Variants in CNTNAP2 observed in about 807,000 individuals in gnomAD.
The protein encoded by CNTNAP2 is contactin-associated protein-like 2.
CNTNAP2 carries 98 observed loss-of-function variants against 155.2 expected under a neutral mutation model. That is an observed-to-expected ratio of 0.63 (90% CI 0.54 to 0.75). The LOEUF (loss-of-function observed/expected upper bound fraction) is 0.75, where lower values mean the gene tolerates loss of function less well. Ranked by LOEUF, CNTNAP2 falls within the 30% of genes least tolerant of loss-of-function variation. The pLI is 0.00. For synonymous variants in CNTNAP2, 651 were observed against 631.2 expected, an observed-to-expected ratio of 1.03 and a Z score of -0.47; for missense variants, 1,727 against 1,688.1, an observed-to-expected ratio of 1.02 and a Z score of -0.40.
rs535672683 is a variant in CNTNAP2 at position 147,176,871 on chromosome 7, AATT to A, written c.1348+44365_1348+44367del. 3.8e-3 allele frequency among the ~76,000 whole-genome samples: 486 copies of A among 127,370 alleles called. 3 individuals are homozygous for A. Among genetic ancestry groups the A allele is most frequent in the African/African-American group, 0.015 (472 of 31,840 alleles). 83.6% of individuals were successfully genotyped at this position (127,370 alleles called of 152,430 possible). On this transcript the variant is annotated intron_variant, in intron 8 of 23. Coordinates refer to ENST00000361727, the MANE Select transcript of CNTNAP2 (RefSeq NM_014141.6). ...TAATATATAATAGATATTATAGAAT[AATT>A]ATAATATATAATTATATATTATAAT...
chr7:147,904,538 T>C (rs183301267), intron 14 of CNTNAP2, among the ~76,000 whole-genome samples: 94 of 152,318 alleles, frequency 6.2e-4, no homozygotes, highest in African/African-American at 1.9e-3. Flanking sequence ...GCTGTGCACA[T>C]AGCCAGTCAT....
At chr7:147,951,810 C>T (rs1166889136) in intron 14 of CNTNAP2, among the ~76,000 whole-genome samples, 2 of 151,954 alleles carry the variant, frequency 1.3e-5, no homozygotes, top group Non-Finnish European at 2.9e-5. Context: ...AGGACAAATA[C>T]CTAATGCATG....
chr7:148,348,528 A>G (rs1054716250), intron 21 of CNTNAP2, among the ~76,000 whole-genome samples: 3 of 152,230 alleles, frequency 2.0e-5, no homozygotes, highest in Admixed American at 6.5e-5. Context: ...TCATCGCCCT[A>G]TGAGAGAGGC....
intron 1 of CNTNAP2, among the ~76,000 whole-genome samples, chr7:146,332,053 A>C (rs1801196852): frequency 6.6e-6 from 1 of 152,080 alleles, no homozygotes; most frequent in Non-Finnish European, 1.5e-5. Context: ...ATATATATAC[A>C]TATGTGTGCA....
chr7:147,666,110 A>T (rs1337032127), intron 13 of CNTNAP2, among the ~76,000 whole-genome samples: 2 of 152,228 alleles, frequency 1.3e-5, no homozygotes, highest in African/African-American at 2.4e-5. Flanking sequence ...CAGAAAACTC[A>T]GACAAAAGAG....
rs141605912 is a variant in CNTNAP2 at position 148,384,248 on chromosome 7, T to C, written c.3715+360T>C. 6.1e-3 allele frequency among the ~76,000 whole-genome samples: 924 copies of C among 152,284 alleles called. 8 individuals carry two copies. Among genetic ancestry groups the C allele is most frequent in the Non-Finnish European group, 7.4e-3 (503 of 68,022 alleles). Reference sequence around the variant, plus strand: ...ATGACTTGCTGTAACATAATCTGTGTTTTAATTTAAGAAGAGATTTACCTA... The same window carrying C: ...ATGACTTGCTGTAACATAATCTGTGCTTTAATTTAAGAAGAGATTTACCTA... On this transcript the variant is annotated intron_variant, in intron 22 of 23. Transcript: ENST00000361727.
intron 1 of CNTNAP2, among the ~76,000 whole-genome samples, chr7:146,462,163 C>T (rs1351530767): frequency 6.6e-6 from 1 of 152,058 alleles, no homozygotes; most frequent in African/African-American, 2.4e-5. Context: ...AGAATAATAC[C>T]ACATGTCACT....
chr7:148,055,011 T>C (rs1289056275), intron 15 of CNTNAP2, among the ~76,000 whole-genome samples: 1 of 151,842 alleles, frequency 6.6e-6, no homozygotes, highest in Non-Finnish European at 1.5e-5. Flanking sequence ...GCCTCCCAAG[T>C]AGCTGGGATT....
intron 1 of CNTNAP2, among the ~76,000 whole-genome samples, chr7:146,246,770 T>C (rs186306111): frequency 0.014 from 2,193 of 152,166 alleles, 49 homozygotes; most frequent in African/African-American, 0.049. Context: ...CCTGCACAGA[T>C]GGGACTCGGC....
At chr7:146,739,217 G>C (rs1801669389) in intron 1 of CNTNAP2, among the ~76,000 whole-genome samples, 2 of 151,766 alleles carry the variant, frequency 1.3e-5, no homozygotes, top group African/African-American at 4.8e-5. Context: ...TTCTTGAGGT[G>C]CAATGTTAGG....
intron 22 of CNTNAP2, 46 bp downstream of exon 22, chr7:148,383,934 C>A (rs1398156113): frequency 6.3e-7 from 1 of 1,585,692 alleles, no homozygotes; most frequent in South Asian, 1.1e-5. Context: ...TTTCTTTAAA[C>A]CTCAGTCTCT....
Position 147,440,249 on chromosome 7 carries a change from T to C in CNTNAP2, c.1670+44469T>C, listed in dbSNP as rs987706059. Among the ~76,000 whole-genome samples the C allele has an allele frequency of 2.2e-4, 34 of 152,078 alleles. 1 individual carries two copies. Among genetic ancestry groups the C allele is most frequent in the Admixed American group, 2.2e-3 (34 of 15,270 alleles). On this transcript the variant is annotated intron_variant, in intron 10 of 23. Transcript: ENST00000361727. ...TATCTGTTGTGTGTTTTTTTACTTC[T>C]GGTTATAATGAGACTTGCAAATACT...
intron 8 of CNTNAP2, among the ~76,000 whole-genome samples, chr7:147,158,788 G>C (rs1801973043): frequency 6.6e-6 from 1 of 151,988 alleles, no homozygotes; most frequent in African/African-American, 2.4e-5. Flanking sequence ...GCAACTACTA[G>C]AGGCCATGCA....
At chr7:148,250,182 C>A (rs190800768) in intron 20 of CNTNAP2, among the ~76,000 whole-genome samples, 8 of 152,230 alleles carry the variant, frequency 5.3e-5, no homozygotes, top group South Asian at 2.1e-4. Context: ...GCTAACCCCT[C>A]GAATCCCTCA....
intron 1 of CNTNAP2, among the ~76,000 whole-genome samples, chr7:146,285,351 G>A (rs1800309428): frequency 6.6e-6 from 1 of 151,946 alleles, no homozygotes; most frequent in African/African-American, 2.4e-5. Flanking sequence ...TATAGTCCAT[G>A]ACATGGAAAA....
chr7:146,887,907 G>T (rs1477830870), intron 3 of CNTNAP2, among the ~76,000 whole-genome samples: 1 of 151,878 alleles, frequency 6.6e-6, no homozygotes, highest in Non-Finnish European at 1.5e-5. Context: ...CTTATGTTAG[G>T]GTGTCCACTT....
intron 1 of CNTNAP2, among the ~76,000 whole-genome samples, chr7:146,730,357 A>AT (rs150707498): frequency 0.022 from 3,367 of 152,202 alleles, 56 homozygotes; most frequent in Non-Finnish European, 0.031. Flanking sequence ...TTTCCCATAG[A>AT]TTTTAAACCC....
rs372508040 is a variant in CNTNAP2 at position 146,765,335 on chromosome 7, A to G, written c.98-8936A>G. On this transcript the variant is annotated intron_variant, in intron 1 of 23. Transcript: ENST00000361727. ...ATGTGGGATACAGTGAAGTAGATCT[A>G]TGTGTAAGATCATGGGATGAAGCCA... Among the ~76,000 whole-genome samples the G allele has an allele frequency of 5.9e-4, 90 of 152,334 alleles. 1 individual carries two copies. Among genetic ancestry groups the G allele is most frequent in the South Asian group, 5.4e-3 (26 of 4,826 alleles).
intron 13 of CNTNAP2, among the ~76,000 whole-genome samples, chr7:147,753,833 A>G (rs1797175505): frequency 1.3e-5 from 2 of 152,182 alleles, no homozygotes; most frequent in South Asian, 2.1e-4. Flanking sequence ...TTTACTGCTC[A>G]ATAATTAGAA....
Sources: allele counts gnomAD v4.1 joint callset (sites outside exome capture counted in the v4.1 genomes callset), GRCh38; gene constraint gnomAD v4.1.1; transcripts MANE v1.5; gene names NCBI Gene and HGNC (gene_info 2026-07-23, HGNC 2026-07-21).